Variants in CDK5RAP2 observed in about 807,000 individuals in gnomAD.
CDK5RAP2 encodes the protein CDK5 regulatory subunit associated protein 2.
CDK5RAP2 carries 147 observed loss-of-function variants against 232.9 expected under a neutral mutation model. That is an observed-to-expected ratio of 0.63 (90% CI 0.55 to 0.72). The LOEUF is 0.72. CDK5RAP2 is among the 30% of genes least tolerant of loss of function. The pLI is 0.00. For synonymous variants in CDK5RAP2, 833 were observed against 833.7 expected (o/e 1.00, Z 0.01); for missense variants, 2,195 against 2,231.5 (o/e 0.98, Z 0.33).
At chr9:120,524,068 ATTAC>A (rs1004157029) in intron 11 of CDK5RAP2, among the ~76,000 whole-genome samples, 1 of 152,132 alleles carries the variant, frequency 6.6e-6, no homozygotes, top group Non-Finnish European at 1.5e-5. Flanking sequence ...TCTTAGCTCT[ATTAC>A]TTACCAGTTT....
intron 27 of CDK5RAP2, among the ~76,000 whole-genome samples, chr9:120,415,969 A>T (rs368437428): frequency 6.6e-6 from 1 of 152,220 alleles, no homozygotes; most frequent in Non-Finnish European, 1.5e-5. Context: ...TGAAGACTAT[A>T]TATCATAAAA....
chr9:120,455,370 TA>T (rs77949035), intron 20 of CDK5RAP2, among the ~76,000 whole-genome samples: 441 of 94,190 alleles, frequency 4.7e-3, no homozygotes, highest in Admixed American at 5.5e-3. Flanking sequence ...TACAACACGT[TA>T]AAAAAAAAAA....
At chr9:120,494,707 TAAC>T (rs368553954) in intron 12 of CDK5RAP2, among the ~76,000 whole-genome samples, 1 of 149,496 alleles carries the variant, frequency 6.7e-6, no homozygotes, top group African/African-American at 2.4e-5. Context: ...AAAAAGAAAA[TAAC>T]AACTAGGTAA....
chr9:120,528,617 T>C (rs564670772), intron 9 of CDK5RAP2, 127 bp downstream of exon 9: 39 of 717,376 alleles, frequency 5.4e-5, no homozygotes, highest in Admixed American at 2.2e-4. Flanking sequence ...TATGCTTGAC[T>C]GGCATACAGT....
intron 25 of CDK5RAP2, among the ~76,000 whole-genome samples, chr9:120,427,846 A>T (rs1039626166): frequency 1.3e-5 from 2 of 152,220 alleles, no homozygotes; most frequent in African/African-American, 4.8e-5. Context: ...AATTGACCAC[A>T]TAGTTGGAAG....
Position 120,518,526 on chromosome 9 carries a change from G to A in CDK5RAP2, c.1212C>T (p.Ile404=). The change falls in exon 12 of 38, where the codon ATC becomes ATT. Residue 404 remains isoleucine (I), a synonymous_variant. Transcript: ENST00000349780. The part of the protein sequence containing the change: ...NHRLRRSIKK[I]TQELSDLQQE... ...GCTGCAAGTCACTCAGCTCCTGGGT[G>A]ATCTTCTTAATGCTTCTACGCAGTC... 6.2e-7 allele frequency: 1 copy of A among 1,613,762 alleles called. No individual in the cohort carries two copies.
intron 7 of CDK5RAP2, 113 bp from the exon 8 acceptor site, chr9:120,530,253 T>C: frequency 1.4e-6 from 1 of 726,318 alleles, no homozygotes. Context: ...ATACAATGGC[T>C]GAACACAAAC....
intron 17 of CDK5RAP2, among the ~76,000 whole-genome samples, chr9:120,468,918 G>C (rs1417228054): frequency 2.0e-5 from 3 of 152,138 alleles, no homozygotes; most frequent in Non-Finnish European, 2.9e-5. Flanking sequence ...ACACATAGTA[G>C]ATATCCAATA....
At chr9:120,544,560 G>A (rs1437084162) in intron 5 of CDK5RAP2, among the ~76,000 whole-genome samples, 2 of 152,236 alleles carry the variant, frequency 1.3e-5, no homozygotes, top group Non-Finnish European at 2.9e-5. Context: ...CTGTGGCAAT[G>A]AAGGGAATTA....
At chr9:120,411,282 C>T in intron 29 of CDK5RAP2, 76 bp downstream of exon 29, 2 of 907,678 alleles carry the variant, frequency 2.2e-6, no homozygotes, top group South Asian at 1.3e-5. Context: ...GTTGGTCAGA[C>T]TCCAATGCCT....
intron 12 of CDK5RAP2, among the ~76,000 whole-genome samples, chr9:120,496,265 C>T (rs1457837796): frequency 7.6e-4 from 93 of 121,660 alleles, no homozygotes; most frequent in African/African-American, 2.9e-3. Flanking sequence ...CGCCTCTGCC[C>T]GGCCGCCCCT....
Position 120,407,171 on chromosome 9 carries a change from G to A in CDK5RAP2, c.4804C>T (p.Arg1602Cys), listed in dbSNP as rs780776580. 4.3e-6 allele frequency: 7 copies of A among 1,613,858 alleles called. No homozygotes were observed. The highest frequency in any genetic ancestry group is 1.1e-5 in the South Asian group (1 of 91,078). ...TCGATGCTCCTTTCTAGTTGCAAGCGCAGAGCCTGGATCTCCATCAGGAGG... is the reference window on the plus strand; with the variant it reads ...TCGATGCTCCTTTCTAGTTGCAAGCACAGAGCCTGGATCTCCATCAGGAGG... ...HSLLMEIQAL[R>C]LQLERSIETS... Residue 1602 changes from arginine to cysteine, a missense_variant, in exon 32 of 38, where the codon CGC becomes TGC. Transcript: ENST00000349780.
chr9:120,566,682 G>T (rs2042658541), intron 3 of CDK5RAP2, among the ~76,000 whole-genome samples: 1 of 152,200 alleles, frequency 6.6e-6, no homozygotes, highest in Admixed American at 6.5e-5. Context: ...TTGTTAAAAT[G>T]AGGGAAGTAC....
intron 3 of CDK5RAP2, among the ~76,000 whole-genome samples, chr9:120,555,334 C>T (rs2042188493): frequency 6.6e-6 from 1 of 152,058 alleles, no homozygotes; most frequent in African/African-American, 2.4e-5. Flanking sequence ...GACGAGGTTT[C>T]ACCATGTTGG....
intron 19 of CDK5RAP2, 129 bp downstream of exon 19, chr9:120,460,443 C>A: frequency 1.2e-6 from 1 of 834,442 alleles, no homozygotes. Flanking sequence ...TTGCTTTCCA[C>A]TGGCACATGA....
At chr9:120,447,481 G>A (rs1447510120) in intron 22 of CDK5RAP2, among the ~76,000 whole-genome samples, 2 of 152,208 alleles carry the variant, frequency 1.3e-5, no homozygotes, top group African/African-American at 4.8e-5. Flanking sequence ...AAGACGCAAG[G>A]TTAGTAAGGT....
chr9:120,486,478 T>C (rs2038609733), intron 14 of CDK5RAP2, among the ~76,000 whole-genome samples: 2 of 151,432 alleles, frequency 1.3e-5, no homozygotes, highest in African/African-American at 4.9e-5. Context: ...GGCTGCCTGG[T>C]TGCATTATTC....
chr9:120,578,260 C>T (rs1050762823), intron 1 of CDK5RAP2, among the ~76,000 whole-genome samples: 1 of 151,756 alleles, frequency 6.6e-6, no homozygotes, highest in Non-Finnish European at 1.5e-5. Flanking sequence ...AGCAAGACTC[C>T]GTCTCAAAAA....
chr9:120,438,330 A>C (rs61402791), intron 24 of CDK5RAP2, among the ~76,000 whole-genome samples: 2,303 of 152,294 alleles, frequency 0.015, 71 homozygotes, highest in East Asian at 0.09. Context: ...AGTTCAACAT[A>C]ATTTTCTCCT....
Sources: gnomAD v4.1 joint callset for allele counts (sites outside exome capture counted in the v4.1 genomes callset) on GRCh38, gnomAD v4.1.1 for gene constraint, MANE v1.5 for transcripts, NCBI Gene and HGNC (gene_info 2026-07-23, HGNC 2026-07-21) for gene names.